The following LAMP3 variants were observed in gnomAD, a reference collection of about 807,000 sequenced individuals.
LAMP3 encodes lysosome associated membrane protein 3.
In LAMP3, 26 loss-of-function variants were observed where a neutral mutation model predicts 34.8. The ratio of observed to expected loss-of-function variants is 0.75; its 90% CI spans 0.55 to 1.04. LAMP3 has a LOEUF of 1.04. LAMP3 is among the 50% of genes least tolerant of loss of function. The pLI is 0.00. For synonymous variants in LAMP3, 180 were observed against 201.9 expected (o/e 0.89, Z 0.92); for missense variants, 495 against 524.0 (o/e 0.94, Z 0.54).
chr3:183,144,010 C>A (rs983699503), intron 3 of LAMP3, among the ~76,000 whole-genome samples: 1 of 152,186 alleles, frequency 6.6e-6, no homozygotes, highest in African/African-American at 2.4e-5. Context: ...ATGCCAATAA[C>A]CATGGGGTCC....
intron 3 of LAMP3, among the ~76,000 whole-genome samples, chr3:183,150,773 A>T (rs1471641996): frequency 6.6e-6 from 1 of 151,884 alleles, no homozygotes; most frequent in Non-Finnish European, 1.5e-5. Flanking sequence ...TATATTTCCC[A>T]GGCTGGTCTC....
intron 4 of LAMP3, among the ~76,000 whole-genome samples, 162 bp from the exon 5 acceptor site, chr3:183,136,049 T>C (rs1296924325): frequency 6.6e-6 from 1 of 152,002 alleles, no homozygotes; most frequent in East Asian, 1.9e-4. Context: ...CCTGGTGCGG[T>C]TTGGAGACTT....
At chr3:183,149,804 G>A (rs1720575403) in intron 3 of LAMP3, among the ~76,000 whole-genome samples, 1 of 151,700 alleles carries the variant, frequency 6.6e-6, no homozygotes, top group Non-Finnish European at 1.5e-5. Flanking sequence ...CACATTGCAT[G>A]CCTATATCAA....
rs184962891 is a variant in LAMP3 at position 183,156,894 on chromosome 3, T to A, written c.50-2503A>T. On this transcript the variant is annotated intron_variant, in intron 1 of 5. Coordinates refer to ENST00000265598, the MANE Select transcript of LAMP3 (RefSeq NM_014398.4). ...AAAGCTTGCCCTTGGGTTTGAGGGG[T>A]GGTGGAGGTGGGGTGTCGCTGGGAA... is the stretch of plus-strand genomic sequence containing the variant. Among the ~76,000 whole-genome samples the A allele has an allele frequency of 9.2e-4, 139 of 151,556 alleles. 1 individual carries two copies. Among genetic ancestry groups the A allele is most frequent in the Admixed American group, 1.6e-3 (24 of 15,188 alleles).
intron 5 of LAMP3, among the ~76,000 whole-genome samples, chr3:183,125,782 T>A (rs1487323919): frequency 6.6e-6 from 1 of 152,158 alleles, no homozygotes; most frequent in Non-Finnish European, 1.5e-5. Flanking sequence ...AACTCCTGAC[T>A]TCAAGCCATC....
chr3:183,153,983 C>T lies in LAMP3; in HGVS notation c.458G>A (p.Ser153Asn), dbSNP rs745811052. ...TTGAGTGGTGTTCCCAGTTGTGTGG[C>T]TGACGGTTGATGAACTGGTTCCAGT... ...HTTGTSSSTV[S>N]HTTGNTTQPS... Residue 153 changes from serine to asparagine, a missense_variant, in exon 2 of 6, where the codon AGC becomes AAC. Transcript: ENST00000265598. 4.0e-5 allele frequency: 64 copies of T among 1,613,994 alleles called. No homozygotes were observed. Among genetic ancestry groups the T allele is most frequent in the African/African-American group, 5.3e-5 (4 of 74,892 alleles).
intron 5 of LAMP3, among the ~76,000 whole-genome samples, chr3:183,124,965 T>A (rs1220658779): frequency 6.6e-6 from 1 of 152,258 alleles, no homozygotes; most frequent in Non-Finnish European, 1.5e-5. Context: ...ATTGTATTAC[T>A]TTTAGCTAAT....
chr3:183,161,591 G>A (rs1420798298), intron 1 of LAMP3, among the ~76,000 whole-genome samples: 2 of 151,748 alleles, frequency 1.3e-5, no homozygotes, highest in Non-Finnish European at 1.5e-5. Flanking sequence ...GGGTTTCACC[G>A]GTGGCCAGGC....
At chr3:183,161,986 G>A in intron 1 of LAMP3, 10 of 985,170 alleles carry the variant, frequency 1.0e-5, no homozygotes, top group Non-Finnish European at 1.2e-5. Context: ...GCTTGAGCAT[G>A]TTAGCCGGGC....
chr3:183,128,922 T>C (rs1353938332), intron 5 of LAMP3, among the ~76,000 whole-genome samples: 3 of 152,348 alleles, frequency 2.0e-5, no homozygotes, highest in Non-Finnish European at 4.4e-5. Context: ...TGAATTTCAT[T>C]GTCAACAAAT....
intron 4 of LAMP3, among the ~76,000 whole-genome samples, chr3:183,137,851 A>T (rs1304334075): frequency 7.1e-6 from 1 of 140,788 alleles, no homozygotes; most frequent in Non-Finnish European, 1.5e-5. Context: ...ACAGAGTCTC[A>T]CTCTGTCACC....
intron 3 of LAMP3, among the ~76,000 whole-genome samples, chr3:183,146,369 TTGAGTC>T (rs1315646911): frequency 2.6e-5 from 4 of 152,160 alleles, no homozygotes; most frequent in African/African-American, 7.2e-5. Flanking sequence ...GACTGAATGG[TTGAGTC>T]CATTTCTCTT....
intron 2 of LAMP3, 25 bp downstream of exon 2, chr3:183,153,657 T>C (rs770229297): frequency 6.8e-7 from 1 of 1,467,018 alleles, no homozygotes; most frequent in East Asian, 2.3e-5. Flanking sequence ...GAAGATAGTG[T>C]TATAGTCCTG....
chr3:183,162,455 C>T, intron 1 of LAMP3, 152 bp downstream of exon 1: 1 of 774,070 alleles, frequency 1.3e-6, no homozygotes. Flanking sequence ...CTGAGTAACT[C>T]ACGGAAAACA....
intron 5 of LAMP3, chr3:183,132,174 C>T: frequency 4.1e-6 from 4 of 985,290 alleles, no homozygotes; most frequent in Non-Finnish European, 4.8e-6. Context: ...ATTTATTGAG[C>T]CCCTCCTTTT....
chr3:183,147,197 C>T lies in LAMP3; in HGVS notation c.888+5178G>A, dbSNP rs140948058. ...GGCGGAGGTTGCAGTGAGCCAAGAT[C>T]GTGTCACTGCACTCCAGCCTGGGCA... On this transcript the variant is annotated intron_variant, in intron 3 of 5. Coordinates refer to ENST00000265598, the MANE Select transcript of LAMP3 (RefSeq NM_014398.4). Among the ~76,000 whole-genome samples, 31 of 152,064 alleles carry T rather than the reference C, an allele frequency of 2.0e-4. No homozygotes were observed. In the East Asian group the frequency reaches 5.2e-3, roughly 26 times the overall value.
chr3:183,160,320 A>T (rs1720940342), intron 1 of LAMP3, among the ~76,000 whole-genome samples: 1 of 152,172 alleles, frequency 6.6e-6, no homozygotes, highest in Non-Finnish European at 1.5e-5. Context: ...CCAATTCAAC[A>T]AGGATTTCTT....
At chr3:183,146,080 C>T (rs1720431318) in intron 3 of LAMP3, among the ~76,000 whole-genome samples, 1 of 152,192 alleles carries the variant, frequency 6.6e-6, no homozygotes, top group Admixed American at 6.5e-5. Context: ...AATAAACTCA[C>T]ATTTTCTAAG....
chr3:183,122,831 G>A lies in LAMP3; in HGVS notation c.*1250C>T, dbSNP rs1719702168. The A allele has an allele frequency of 6.6e-6, 1 of 152,232 alleles. No homozygotes were observed. The highest frequency in any genetic ancestry group is 1.5e-5 in the Non-Finnish European group (1 of 68,052). 9.4% of individuals were successfully genotyped at this position (152,232 alleles called of 1,614,324 possible). A position where few individuals can be genotyped will look rare whatever the true frequency, so the allele number is the denominator to read the frequency against. On this transcript the variant is annotated 3_prime_UTR_variant, in exon 6 of 6. Transcript: ENST00000265598. Reference sequence around the variant, plus strand: ...TAAGGTGAGCGTATGCTGGTATGAGGTGTGAGCCTTCAGGCAGAGTGTGGT... The same window carrying A: ...TAAGGTGAGCGTATGCTGGTATGAGATGTGAGCCTTCAGGCAGAGTGTGGT...
Sources: allele counts gnomAD v4.1 joint callset (sites outside exome capture counted in the v4.1 genomes callset), GRCh38; gene constraint gnomAD v4.1.1; transcripts MANE v1.5; gene names NCBI Gene and HGNC (gene_info 2026-07-23, HGNC 2026-07-21).